Variants in DENND4C observed in about 807,000 individuals in gnomAD.
DENND4C encodes DENN domain containing 4C.
In DENND4C, 108 loss-of-function variants were observed where a neutral mutation model predicts 203.0. The observed-to-expected ratio is 0.53, with a 90% CI of 0.46 to 0.62. The LOEUF (loss-of-function observed/expected upper bound fraction) is 0.62. Ranked by LOEUF, DENND4C falls within the 20% of genes least tolerant of loss-of-function variation. The pLI is 0.00. For missense variants in DENND4C, 2,481 were observed against 2,301.2 expected (o/e 1.08, Z -1.60); for synonymous variants, 871 against 792.4 (o/e 1.10, Z -1.67).
chr9:19,314,500 G>C (rs1841391391), intron 10 of DENND4C, among the ~76,000 whole-genome samples: 6 of 152,030 alleles, frequency 3.9e-5, no homozygotes, highest in Admixed American at 3.9e-4. Flanking sequence ...CTAAATCTCA[G>C]AAATCACCAC....
intron 6 of DENND4C, among the ~76,000 whole-genome samples, chr9:19,296,894 A>G (rs1342012563): frequency 6.6e-6 from 1 of 152,228 alleles, no homozygotes; most frequent in Non-Finnish European, 1.5e-5. Context: ...CTCTAAAGTG[A>G]TGTAGAAATT....
rs142807087 is a variant in DENND4C, at chr9:19,308,852, T to C, written c.1487+3325T>C. Among the ~76,000 whole-genome samples the C allele has an allele frequency of 4.1e-3, 620 of 152,350 alleles. 1 individual carries two copies. Among genetic ancestry groups the C allele is most frequent in the Middle Eastern group, 0.01 (3 of 294 alleles). ...ATCAGTTTCTACATTTGTATAAATA[T>C]GTATCTGGGCTAATTCTTTTCCTTT... On this transcript the variant is annotated intron_variant, in intron 10 of 32. Transcript: ENST00000434457.
chr9:19,352,462 C>A, intron 25 of DENND4C, 28 bp from the exon 26 acceptor site: 1 of 1,533,118 alleles, frequency 6.5e-7, no homozygotes, highest in East Asian at 2.3e-5. Flanking sequence ...ATTAAACGTT[C>A]TCAGTGTCTG....
rs770553340 is a variant in DENND4C, at chr9:19,335,047, T to C, written c.2531T>C (p.Phe844Ser). The change falls in exon 18 of 33, where the codon TTT becomes TCT. Residue 844 changes from phenylalanine to serine, a missense_variant. By Grantham distance (155) the Phe-to-Ser change is radical (BLOSUM62 -2). This residue lies in a region of DENND4C where 2,289 missense variants were observed against 2,113.3 expected (regional missense o/e 1.08). Coordinates refer to ENST00000434457, the MANE Select transcript of DENND4C (RefSeq NM_001330640.2). ...CCTGTTTTAGCAGTGAGAGTCTTATTTGAAATGAAAACTGCTAGGATAAAG... is the reference window on the plus strand; with the variant it reads ...CCTGTTTTAGCAGTGAGAGTCTTATCTGAAATGAAAACTGCTAGGATAAAG... ...GHPVLAVRVL[F>S]EMKTARIKPN... The C allele has an allele frequency of 7.4e-6, 12 of 1,613,000 alleles. No individual in the cohort carries two copies. The South Asian group carries it at 1.2e-4, about 16-fold the overall frequency.
At chr9:19,266,428 A>C (rs976660947) in intron 1 of DENND4C, among the ~76,000 whole-genome samples, 3 of 152,150 alleles carry the variant, frequency 2.0e-5, no homozygotes, top group Admixed American at 6.6e-5. Context: ...ATCTGATGGT[A>C]GTTTCTTTTG....
intron 1 of DENND4C, among the ~76,000 whole-genome samples, chr9:19,237,036 T>A (rs75012382): frequency 6.6e-6 from 1 of 152,208 alleles, no homozygotes; most frequent in Non-Finnish European, 1.5e-5. Context: ...CTTTTTTTTT[T>A]GGAGACGGAG....
At chr9:19,287,643 G>A (rs980562191) in intron 3 of DENND4C, among the ~76,000 whole-genome samples, 14 of 151,954 alleles carry the variant, frequency 9.2e-5, no homozygotes, top group African/African-American at 2.9e-4. Flanking sequence ...CACCATGCCC[G>A]GCCTGTTTTT....
chr9:19,277,834 A>C (rs1231900619), intron 2 of DENND4C, among the ~76,000 whole-genome samples: 2 of 152,148 alleles, frequency 1.3e-5, no homozygotes, highest in Admixed American at 6.5e-5. Flanking sequence ...ATGTTCTTCT[A>C]TTCCTAGTTT....
At chr9:19,309,174 G>A (rs1182963603) in intron 10 of DENND4C, among the ~76,000 whole-genome samples, 2 of 152,144 alleles carry the variant, frequency 1.3e-5, no homozygotes, top group Non-Finnish European at 2.9e-5. Flanking sequence ...TGTAATCCCA[G>A]TACTTTGAGA....
In DENND4C at chr9:19,326,193, A is replaced by T; in HGVS notation, c.2119A>T (p.Ser707Cys). 6.2e-7 allele frequency: 1 copy of T among 1,602,020 alleles called. No individual in the cohort carries two copies. The highest frequency in any genetic ancestry group is 8.5e-7 in the Non-Finnish European group (1 of 1,177,132). Residue 707 changes from serine to cysteine, a missense_variant and splice_region_variant, in exon 15 of 33, where the codon AGT (serine) becomes TGT (cysteine). By Grantham distance (112) the Ser-to-Cys change is moderately radical. This residue lies in a region of DENND4C where 2,289 missense variants were observed against 2,113.3 expected (regional missense o/e 1.08). Coordinates refer to ENST00000434457, the MANE Select transcript of DENND4C (RefSeq NM_001330640.2). ...DDGKDLSPKY[S>C]YKYFPRLDLK... The stretch of plus-strand genomic sequence containing the variant: ...TGGAAAGGACCTGTCACCAAAGTAC[A>T]GGTAGTAGGAAGTTTTAAAAGAGCT...
At chr9:19,294,160 G>C (rs1424438026) in intron 5 of DENND4C, among the ~76,000 whole-genome samples, 6 of 152,082 alleles carry the variant, frequency 3.9e-5, no homozygotes, top group Non-Finnish European at 7.4e-5. Flanking sequence ...ATAAAGATTT[G>C]TGTTTTGTTA....
chr9:19,335,212 A>G, intron 18 of DENND4C, 107 bp downstream of exon 18: 1 of 649,440 alleles, frequency 1.5e-6, no homozygotes, highest in South Asian at 6.6e-5. Flanking sequence ...TTGGGATATA[A>G]TTTTTTAATA....
At chr9:19,317,727 G>A (rs1030591435) in intron 12 of DENND4C, among the ~76,000 whole-genome samples, 2 of 151,962 alleles carry the variant, frequency 1.3e-5, no homozygotes, top group African/African-American at 4.8e-5. Context: ...GATCTTAAAT[G>A]GAAAATAATT....
intron 7 of DENND4C, 98 bp from the exon 8 acceptor site, chr9:19,299,131 T>C: frequency 1.2e-6 from 1 of 841,010 alleles, no homozygotes; most frequent in Non-Finnish European, 1.8e-6. Flanking sequence ...CAATATTACC[T>C]TTGATCTAAA....
intron 1 of DENND4C, among the ~76,000 whole-genome samples, chr9:19,263,459 C>G (rs1213635850): frequency 6.6e-6 from 1 of 151,678 alleles, no homozygotes; most frequent in Non-Finnish European, 1.5e-5. Context: ...TGGGTTCAAG[C>G]AATTTTCCTG....
Position 19,300,172 on chromosome 9 carries a change from CTT to C in DENND4C, c.1167-8_1167-7del. On this transcript the variant is annotated splice_polypyrimidine_tract_variant and intron_variant, in intron 8 of 32. Coordinates refer to ENST00000434457, the MANE Select transcript of DENND4C (RefSeq NM_001330640.2). ...ATAGTTCACAATGATCTACTTTTCT[CTT>C]TTTTTTCCCTAGTGGAGCCAACTTT... The C allele has an allele frequency of 6.3e-7, 1 of 1,580,358 alleles. No individual in the cohort carries two copies. The highest frequency in any genetic ancestry group is 8.6e-7 in the Non-Finnish European group (1 of 1,156,902).
At position 19,293,868 on chromosome 9, in the gene DENND4C, A is replaced by C. The variant is rs1836874933; in HGVS notation, c.802-2140A>C. Among the ~76,000 whole-genome samples the C allele has an allele frequency of 2.0e-5, 3 of 152,186 alleles. No individual in the cohort carries two copies. In the South Asian group the frequency reaches 6.2e-4, roughly 32 times the overall value. On this transcript the variant is annotated intron_variant, in intron 5 of 32. Coordinates refer to ENST00000434457, the MANE Select transcript of DENND4C (RefSeq NM_001330640.2). ...TGTTTCTTCAGTGTATTTTTCACTA[A>C]AATACTTTCTCTTCTGACTTGAGAC... is the stretch of plus-strand genomic sequence containing the variant.
At chr9:19,338,359 A>C (rs557413294) in intron 20 of DENND4C, among the ~76,000 whole-genome samples, 2 of 152,256 alleles carry the variant, frequency 1.3e-5, no homozygotes, top group Admixed American at 6.5e-5. Flanking sequence ...CAGATTTTTA[A>C]GTTTACCTCA....
At chr9:19,274,391 G>C (rs949990807) in intron 1 of DENND4C, among the ~76,000 whole-genome samples, 5 of 152,050 alleles carry the variant, frequency 3.3e-5, no homozygotes, top group African/African-American at 1.2e-4. Context: ...CGCCTACCGG[G>C]TTCAAGCGAT....
Sources: gnomAD v4.1 joint callset for allele counts (sites outside exome capture counted in the v4.1 genomes callset) on GRCh38, gnomAD v4.1.1 for gene constraint, gnomAD v4.1.1 regional missense constraint, MANE v1.5 for transcripts, NCBI Gene and HGNC (gene_info 2026-07-23, HGNC 2026-07-21) for gene names.